The following TG variants were observed in gnomAD, a reference collection of about 807,000 sequenced individuals.
TG encodes thyroid hormones.
In TG, 270 loss-of-function variants were observed where a neutral mutation model predicts 324.7. The ratio of observed to expected loss-of-function variants is 0.83; its 90% CI spans 0.75 to 0.92. The LOEUF is 0.92. TG is among the 40% of genes least tolerant of loss of function. The pLI is 0.00. For synonymous variants in TG, 1,401 were observed against 1,327.0 expected, an observed-to-expected ratio of 1.06 and a Z score of -1.21; for missense variants, 3,591 against 3,456.4, an observed-to-expected ratio of 1.04 and a Z score of -0.98.
chr8:133,026,437 T>TTGCTGGG (rs1836085817), intron 40 of TG, among the ~76,000 whole-genome samples: 1 of 152,164 alleles, frequency 6.6e-6, no homozygotes, highest in Admixed American at 6.5e-5. Flanking sequence ...AAGGAAGCAG[T>TTGCTGGG]TGCTGGGTGA....
intron 45 of TG, among the ~76,000 whole-genome samples, chr8:133,124,194 C>G (rs915394485): frequency 6.6e-6 from 1 of 152,188 alleles, no homozygotes; most frequent in Non-Finnish European, 1.5e-5. Flanking sequence ...CATGGAAATT[C>G]ATCATGAGAC....
At chr8:132,906,631 C>A in intron 16 of TG, 57 bp from the exon 17 acceptor site, 2 of 1,597,840 alleles carry the variant, frequency 1.3e-6, no homozygotes, top group South Asian at 2.2e-5. Flanking sequence ...AGCAGGCATG[C>A]TCAGTCGTCC....
intron 17 of TG, 75 bp downstream of exon 17, chr8:132,906,975 G>T (rs565843862): frequency 1.4e-6 from 2 of 1,469,724 alleles, no homozygotes; most frequent in Admixed American, 2.0e-5. Context: ...ATATGGAGGC[G>T]TGGCTGCTCC....
intron 34 of TG, among the ~76,000 whole-genome samples, chr8:132,979,202 G>A (rs1564030626): frequency 1.3e-5 from 2 of 152,156 alleles, no homozygotes; most frequent in Non-Finnish European, 2.9e-5. Flanking sequence ...AGAGCCCAGG[G>A]CTTCCTGGAA....
At chr8:132,893,079 GTGTATGTGTGTGGTGTTCA>G (rs1267357018) in intron 10 of TG, among the ~76,000 whole-genome samples, 1 of 148,354 alleles carries the variant, frequency 6.7e-6, no homozygotes, top group Non-Finnish European at 1.5e-5. Context: ...TGTGTGGGTG[GTGTATGTGTGTGGTGTTCA>G]TGTATGTGTG....
chr8:132,926,143 G>C (rs1821836641), intron 22 of TG, among the ~76,000 whole-genome samples: 1 of 152,190 alleles, frequency 6.6e-6, no homozygotes, highest in South Asian at 2.1e-4. Flanking sequence ...GGAGTAAAAT[G>C]TTTAAGGCTT....
chr8:133,122,249 A>G (rs185726053), intron 45 of TG, among the ~76,000 whole-genome samples: 2 of 152,316 alleles, frequency 1.3e-5, no homozygotes, highest in African/African-American at 2.4e-5. Context: ...GCAAACTTCT[A>G]TGGGGAAAGA....
chr8:133,005,808 A>T (rs1480005359), intron 35 of TG, among the ~76,000 whole-genome samples: 1 of 152,034 alleles, frequency 6.6e-6, no homozygotes, highest in Admixed American at 6.6e-5. Context: ...GCTCCCCGGG[A>T]GGTGTGCAGA....
At chr8:132,881,824 C>T in intron 5 of TG, 39 bp from the exon 6 acceptor site, 1 of 1,412,758 alleles carries the variant, frequency 7.1e-7, no homozygotes. Flanking sequence ...TGATGACTTG[C>T]CTTTATGAAT....
In TG at chr8:132,967,969, A is replaced by G. The variant is rs16904799; in HGVS notation, c.5862A>G (p.Lys1954=). The change falls in exon 31 of 48, where the codon AAA becomes AAG. Residue 1954 remains lysine (K), a splice_region_variant and synonymous_variant. Transcript: ENST00000220616. ...PQMPKALFRK[K]VILEDKVKNF... is the part of the protein sequence containing the mutation. ...TGCCAAAGGCCCTGTTCCGGAAGAA[A>G]GGTGAGCACTTGGAGAGATCTGCAT... 0.011 allele frequency: 17,771 copies of G among 1,613,340 alleles called. 1,023 individuals carry two copies. The African/African-American group carries it at 0.16, about 15-fold the overall frequency.
In TG at chr8:133,018,121, A is replaced by T. The variant is rs180737983; in HGVS notation, c.6782+124A>T. 15 of 915,210 alleles carry T rather than the reference A, an allele frequency of 1.6e-5. No homozygotes were observed. The African/African-American group carries it at 2.3e-4, about 14-fold the overall frequency. The allele number at this position is 915,210 out of a possible 1,614,324, so 56.7% of individuals were successfully genotyped here. ...GATAAAGCAATGTATGGAGGATGGA[A>T]TATATTAGCTAAGATATCATTAAGT... On this transcript the variant is annotated intron_variant, in intron 38 of 47. Coordinates refer to ENST00000220616, the MANE Select transcript of TG (RefSeq NM_003235.5).
At chr8:133,021,505 G>T (rs1587783753) in intron 39 of TG, among the ~76,000 whole-genome samples, 3 of 152,174 alleles carry the variant, frequency 2.0e-5, no homozygotes, top group Admixed American at 1.3e-4. Flanking sequence ...TATGAATGGG[G>T]TTTAATAGTT....
At chr8:133,118,966 A>G (rs1850927982) in intron 45 of TG, among the ~76,000 whole-genome samples, 2 of 152,134 alleles carry the variant, frequency 1.3e-5, no homozygotes, top group Non-Finnish European at 2.9e-5. Flanking sequence ...TCTACAGAAG[A>G]GAGAAGGCAA....
intron 45 of TG, among the ~76,000 whole-genome samples, chr8:133,128,615 T>C (rs1470239591): frequency 6.6e-6 from 1 of 152,168 alleles, no homozygotes; most frequent in Non-Finnish European, 1.5e-5. Flanking sequence ...GCAGTGGAAG[T>C]GGGACTTGCA....
intron 6 of TG, 115 bp downstream of exon 6, chr8:132,882,084 G>C: frequency 4.0e-6 from 3 of 751,880 alleles, no homozygotes; most frequent in Non-Finnish European, 6.8e-6. Context: ...CCCCTGCCAG[G>C]CTGCTGTGGG....
At chr8:133,078,191 A>C (rs998576815) in intron 41 of TG, among the ~76,000 whole-genome samples, 15 of 152,120 alleles carry the variant, frequency 9.9e-5, no homozygotes, top group Admixed American at 7.9e-4. Context: ...CAAGAAGAGG[A>C]ACTGGTTTGT....
At chr8:133,006,938 A>T (rs1026804543) in intron 35 of TG, among the ~76,000 whole-genome samples, 5 of 152,236 alleles carry the variant, frequency 3.3e-5, no homozygotes, top group Non-Finnish European at 7.3e-5. Context: ...GTCAGTTGGA[A>T]TCTCAGAAAA....
At chr8:132,905,245 T>C (rs1018791063) in intron 16 of TG, among the ~76,000 whole-genome samples, 1 of 152,200 alleles carries the variant, frequency 6.6e-6, no homozygotes, top group East Asian at 1.9e-4. Flanking sequence ...CTAGTGAATA[T>C]TAGGGCCAGG....
At chr8:132,982,519 A>G (rs1402737777) in intron 34 of TG, among the ~76,000 whole-genome samples, 1 of 152,192 alleles carries the variant, frequency 6.6e-6, no homozygotes, top group African/African-American at 2.4e-5. Flanking sequence ...TGAAACTGAA[A>G]ATAGAGGAAG....
Sources: allele counts gnomAD v4.1 joint callset (sites outside exome capture counted in the v4.1 genomes callset), GRCh38; gene constraint gnomAD v4.1.1; transcripts MANE v1.5; gene names NCBI Gene and HGNC (gene_info 2026-07-23, HGNC 2026-07-21).